Variants in TEX26 observed in about 807,000 individuals in gnomAD.
TEX26 encodes testis expressed 26, also known as testis-expressed protein 26.
A neutral mutation model predicts 35.3 loss-of-function variants in TEX26; 34 were observed. The observed-to-expected ratio is 0.96, with a 90% confidence interval of 0.73 to 1.28. TEX26 has a LOEUF of 1.28. Among genes scored for constraint, TEX26 ranks in the 50% most tolerant of loss-of-function variants. TEX26 has a pLI of 0.00. For synonymous variants in TEX26, 136 were observed against 111.8 expected, an observed-to-expected ratio of 1.22 and a Z score of -1.36; for missense variants, 371 against 330.1, an observed-to-expected ratio of 1.12 and a Z score of -0.96.
At chr13:30,956,798 C>T in intron 3 of TEX26, 75 bp from the exon 4 acceptor site, 6 of 1,345,578 alleles carry the variant, frequency 4.5e-6, no homozygotes, top group Non-Finnish European at 4.2e-6. Context: ...AATATGTGCA[C>T]ACAGACACTC....
rs780298434 is a variant in TEX26, at chr13:30,968,906, A to G, written c.668A>G (p.Tyr223Cys). Residue 223 changes from tyrosine (Y) to cysteine (C), a missense_variant, in exon 6 of 7, where the codon TAC becomes TGC. Transcript: ENST00000380473. The part of the protein sequence containing the change: ...QGLVPSVLHS[Y>C]LRNQEHTKKQ... ...ATAGTGCCTTCTGTGCTGCACAGCTACCTGAGGAACCAAGAGCACACAAAG... is the reference window on the plus strand; with the variant it reads ...ATAGTGCCTTCTGTGCTGCACAGCTGCCTGAGGAACCAAGAGCACACAAAG... 2.5e-6 allele frequency: 4 copies of G among 1,613,922 alleles called. No homozygotes were observed. Among genetic ancestry groups the G allele is most frequent in the Non-Finnish European group, 2.5e-6 (3 of 1,179,930 alleles).
At chr13:30,948,107 T>C (rs1273006290) in intron 2 of TEX26, among the ~76,000 whole-genome samples, 1 of 152,206 alleles carries the variant, frequency 6.6e-6, no homozygotes, top group Non-Finnish European at 1.5e-5. Context: ...CCATGGTGTA[T>C]ATGTGTCACA....
intron 6 of TEX26, among the ~76,000 whole-genome samples, chr13:30,969,759 T>G (rs2138344798): frequency 6.6e-6 from 1 of 152,254 alleles, no homozygotes; most frequent in African/African-American, 2.4e-5. Context: ...ATGTAAAAAT[T>G]TATATAAAAT....
intron 2 of TEX26, among the ~76,000 whole-genome samples, chr13:30,942,318 C>A (rs1428218286): frequency 1.3e-5 from 2 of 151,740 alleles, no homozygotes; most frequent in African/African-American, 2.4e-5. Context: ...CATTTGTATA[C>A]CTTCTTTTGA....
rs1223384871 is a variant in TEX26 at position 30,968,944 on chromosome 13, T to C, written c.706T>C (p.Tyr236His). The C allele has an allele frequency of 6.2e-7, 1 of 1,614,110 alleles. No individual in the cohort carries two copies. The highest frequency in any genetic ancestry group is 8.5e-7 in the Non-Finnish European group (1 of 1,179,982). The change falls in exon 6 of 7, where the codon TAC becomes CAC. Residue 236 changes from tyrosine to histidine, a missense_variant. Transcript: ENST00000380473. ...NQEHTKKQTT[Y>H]QSDYDKTYPD... is the part of the protein sequence containing the mutation. ...AGAGCACACAAAGAAACAGACCACA[T>C]ACCAAAGTGACTACGACAAAACCTA...
chr13:30,951,938 A>G (rs1953936782), intron 2 of TEX26, among the ~76,000 whole-genome samples: 2 of 72,388 alleles, frequency 2.8e-5, no homozygotes, highest in African/African-American at 5.7e-5. Context: ...AAAAGAGAGA[A>G]AGAGAACTTT....
chr13:30,957,681 A>G (rs149394290), intron 4 of TEX26, among the ~76,000 whole-genome samples: 26 of 152,276 alleles, frequency 1.7e-4, no homozygotes, highest in Admixed American at 1.3e-4. Context: ...GGCAGTGCGG[A>G]TGGAGGCAGG....
chr13:30,938,892 G>A (rs1427284386), intron 1 of TEX26, among the ~76,000 whole-genome samples: 1 of 152,064 alleles, frequency 6.6e-6, no homozygotes, highest in Non-Finnish European at 1.5e-5. Flanking sequence ...CTCAGCCTTG[G>A]AACTTCTGCT....
intron 6 of TEX26, among the ~76,000 whole-genome samples, chr13:30,973,685 C>T (rs1343297980): frequency 1.3e-5 from 2 of 152,088 alleles, no homozygotes; most frequent in Non-Finnish European, 1.5e-5. Context: ...CACAGACATC[C>T]CTGATCTATG....
Position 30,963,286 on chromosome 13 carries a change from T to A in TEX26, c.470-2936T>A, listed in dbSNP as rs149765543. 9.9e-4 allele frequency among the ~76,000 whole-genome samples: 151 copies of A among 152,294 alleles called. 1 individual carries two copies. The highest frequency in any genetic ancestry group is 3.6e-3 in the African/African-American group (148 of 41,562). ...AAAGAAACCCAGGGAGCTGAGCTCC[T>A]GAGGAACAGGAACCCTGGGGGGAGG... On this transcript the variant is annotated intron_variant, in intron 4 of 6. Transcript: ENST00000380473.
intron 4 of TEX26, among the ~76,000 whole-genome samples, chr13:30,960,072 G>T (rs1429753496): frequency 6.6e-6 from 1 of 152,156 alleles, no homozygotes; most frequent in Non-Finnish European, 1.5e-5. Context: ...AAGAAAAAAA[G>T]ACATTTCCAG....
chr13:30,939,000 A>C (rs1953376420), intron 1 of TEX26, among the ~76,000 whole-genome samples: 1 of 152,254 alleles, frequency 6.6e-6, no homozygotes, highest in Admixed American at 6.5e-5. Context: ...GACATGAATT[A>C]GAACTACGCC....
chr13:30,944,458 G>A (rs1854953), intron 2 of TEX26, among the ~76,000 whole-genome samples: 37,062 of 150,906 alleles, frequency 0.25, 4,655 homozygotes, highest in East Asian at 0.44. Context: ...GTTCTTCTCC[G>A]ATCTTATTTC....
At chr13:30,947,785 A>G (rs1347322459) in intron 2 of TEX26, among the ~76,000 whole-genome samples, 1 of 152,106 alleles carries the variant, frequency 6.6e-6, no homozygotes, top group East Asian at 1.9e-4. Flanking sequence ...CATGTGCACA[A>G]TGTACAGGTT....
At chr13:30,973,548 C>T (rs1210365067) in intron 6 of TEX26, 1 of 152,058 alleles carries the variant, frequency 6.6e-6, no homozygotes, top group Non-Finnish European at 1.5e-5. Flanking sequence ...ATACTGGAGA[C>T]AAGGTATGGA....
intron 2 of TEX26, among the ~76,000 whole-genome samples, chr13:30,950,401 C>T (rs545786905): frequency 2.4e-4 from 37 of 152,134 alleles, no homozygotes; most frequent in African/African-American, 7.2e-4. Flanking sequence ...AGGCAAGATT[C>T]TGGTTATATT....
intron 4 of TEX26, among the ~76,000 whole-genome samples, chr13:30,960,997 T>G (rs1156898583): frequency 6.6e-6 from 1 of 152,222 alleles, no homozygotes; most frequent in Admixed American, 6.5e-5. Flanking sequence ...GTACTTGACT[T>G]AGGTGATTAG....
intron 3 of TEX26, among the ~76,000 whole-genome samples, chr13:30,955,677 T>G (rs1412202): frequency 0.98 from 149,715 of 152,322 alleles, 73,612 homozygotes; most frequent in East Asian, 1. Flanking sequence ...ACGCATTCTT[T>G]GATACAGATG....
intron 4 of TEX26, among the ~76,000 whole-genome samples, chr13:30,963,556 A>G: frequency 6.6e-6 from 1 of 152,238 alleles, no homozygotes; most frequent in East Asian, 1.9e-4. Flanking sequence ...GCATAGCTTG[A>G]TCACATAGGC....
Sources: gnomAD v4.1 joint callset for allele counts (sites outside exome capture counted in the v4.1 genomes callset) on GRCh38, gnomAD v4.1.1 for gene constraint, MANE v1.5 for transcripts, NCBI Gene and HGNC (gene_info 2026-07-23, HGNC 2026-07-21) for gene names.